UGT1A9: variants seen among roughly 807,000 people sequenced by gnomAD.
The protein encoded by UGT1A9 is UDP glucuronosyltransferase family 1 member A9, also known as UDP-glucuronosyltransferase 1A9.
UGT1A9 carries 35 observed loss-of-function variants against 45.0 expected under a neutral mutation model. The ratio of observed to expected loss-of-function variants is 0.78; its 90% confidence interval spans 0.59 to 1.03. The LOEUF (loss-of-function observed/expected upper bound fraction) is 1.03. Ranked by LOEUF, UGT1A9 falls within the 50% of genes least tolerant of loss-of-function variation. The probability of loss-of-function intolerance (pLI) is 0.00; values close to 1 mark genes in which losing one functional copy is unlikely to be tolerated. For missense variants in UGT1A9, 687 were observed against 666.6 expected (o/e 1.03, Z -0.34); for synonymous variants, 278 against 250.6 (o/e 1.11, Z -1.03).
At chr2:233,713,498 T>A in intron 1 of UGT1A9, 1 of 1,614,012 alleles carries the variant, frequency 6.2e-7, no homozygotes, top group Non-Finnish European at 8.5e-7. Context: ...CGATTCCTGC[T>A]GTGTTTTTCT....
intron 1 of UGT1A9, chr2:233,713,115 C>T (rs2076279485): frequency 6.2e-7 from 1 of 1,614,098 alleles, no homozygotes; most frequent in African/African-American, 1.3e-5. Context: ...CAGCCACTGG[C>T]TCAGCATGCG....
intron 1 of UGT1A9, among the ~76,000 whole-genome samples, chr2:233,757,279 A>C (rs1159492481): frequency 7.8e-6 from 1 of 127,878 alleles, no homozygotes; most frequent in Non-Finnish European, 1.6e-5. Flanking sequence ...GCAATGATTC[A>C]GAAGGGACAG....
chr2:233,750,414 G>GC (rs765395041), intron 1 of UGT1A9, among the ~76,000 whole-genome samples: 4 of 151,922 alleles, frequency 2.6e-5, no homozygotes, highest in Non-Finnish European at 5.9e-5. Flanking sequence ...CCATGTGGTA[G>GC]AAAAGAAAAA....
At chr2:233,729,603 A>G (rs7574296) in intron 1 of UGT1A9, 749,893 of 1,613,688 alleles carry the variant, frequency 0.46, 180,593 homozygotes, top group African/African-American at 0.76. Context: ...TCTGCGCGGC[A>G]GTGCTGGCTA....
At chr2:233,751,100 G>T (rs895970679) in intron 1 of UGT1A9, among the ~76,000 whole-genome samples, 1 of 151,922 alleles carries the variant, frequency 6.6e-6, no homozygotes, top group Non-Finnish European at 1.5e-5. Flanking sequence ...GGAGGGCTTT[G>T]CCCTGCAAGC....
chr2:233,683,408 C>T (rs1303607850), intron 1 of UGT1A9, among the ~76,000 whole-genome samples: 8 of 152,094 alleles, frequency 5.3e-5, no homozygotes, highest in Admixed American at 5.2e-4. Context: ...TAAGTGTTTT[C>T]CACTTTTGGG....
intron 1 of UGT1A9, among the ~76,000 whole-genome samples, chr2:233,735,916 G>T (rs182665210): frequency 5.9e-5 from 9 of 152,142 alleles, no homozygotes; most frequent in Admixed American, 5.9e-4. Context: ...TGGGTAACCC[G>T]ACCTTTCTCT....
chr2:233,734,549 C>A (rs1463144375), intron 1 of UGT1A9, among the ~76,000 whole-genome samples: 2 of 152,092 alleles, frequency 1.3e-5, no homozygotes, highest in Non-Finnish European at 2.9e-5. Flanking sequence ...TTCTTCCCTT[C>A]TGCTAGCTTT....
intron 1 of UGT1A9, among the ~76,000 whole-genome samples, chr2:233,715,670 G>A (rs1428393419): frequency 6.6e-6 from 1 of 152,106 alleles, no homozygotes; most frequent in Non-Finnish European, 1.5e-5. Flanking sequence ...TACTCGGGAG[G>A]CTGAGGCAGG....
chr2:233,729,955 G>A, intron 1 of UGT1A9: 1 of 1,614,014 alleles, frequency 6.2e-7, no homozygotes, highest in African/African-American at 1.3e-5. Flanking sequence ...GGTCTTCATT[G>A]GGGGCATCAA....
chr2:233,719,934 T>C (rs747645753), intron 1 of UGT1A9, among the ~76,000 whole-genome samples: 3 of 152,106 alleles, frequency 2.0e-5, no homozygotes, highest in African/African-American at 7.2e-5. Context: ...CGGACAGTGT[T>C]TGTAAAGGCA....
At chr2:233,695,498 T>G (rs2075292500) in intron 1 of UGT1A9, among the ~76,000 whole-genome samples, 1 of 152,042 alleles carries the variant, frequency 6.6e-6, no homozygotes, top group Non-Finnish European at 1.5e-5. Flanking sequence ...CTATCAAAGT[T>G]TTTGGAGTAT....
intron 1 of UGT1A9, chr2:233,742,995 C>A (rs1168922692): frequency 4.3e-6 from 1 of 233,716 alleles, no homozygotes; most frequent in African/African-American, 2.3e-5. Flanking sequence ...TAGCAAATTG[C>A]ATACAGATAT....
chr2:233,713,539 A>G, intron 1 of UGT1A9: 1 of 1,613,964 alleles, frequency 6.2e-7, no homozygotes, highest in Non-Finnish European at 8.5e-7. Flanking sequence ...TTAGACTTTA[A>G]GGGCACACAG....
At chr2:233,754,291 C>A in intron 1 of UGT1A9, 1 of 232,626 alleles carries the variant, frequency 4.3e-6, no homozygotes. Flanking sequence ...ACATTCTGTC[C>A]TAGCACTAGG....
chr2:233,704,856 G>A (rs375142414), intron 1 of UGT1A9, among the ~76,000 whole-genome samples: 6 of 151,976 alleles, frequency 3.9e-5, no homozygotes, highest in East Asian at 1.9e-4. Context: ...GAATAGGGCC[G>A]GGCACGGTGG....
At chr2:233,685,111 T>G (rs2074723100) in intron 1 of UGT1A9, among the ~76,000 whole-genome samples, 1 of 152,096 alleles carries the variant, frequency 6.6e-6, no homozygotes, top group African/African-American at 2.4e-5. Context: ...TCTTATTGAG[T>G]CTATCCAGGT....
chr2:233,682,602 A>G (rs1352958533), intron 1 of UGT1A9: 3 of 1,613,792 alleles, frequency 1.9e-6, no homozygotes, highest in African/African-American at 1.3e-5. Flanking sequence ...TTTTGCCCCT[A>G]TTTTTTCAAA....
Position 233,707,673 on chromosome 2 carries a change from C to T in UGT1A9, c.855+34884C>T, listed in dbSNP as rs184821134. Among the ~76,000 whole-genome samples the T allele has an allele frequency of 1.2e-3, 184 of 152,082 alleles. 1 individual carries two copies. The highest frequency in any genetic ancestry group is 4.2e-3 in the African/African-American group (173 of 41,484). On this transcript the variant is annotated intron_variant, in intron 1 of 4. Coordinates refer to ENST00000354728, the MANE Select transcript of UGT1A9 (RefSeq NM_021027.3). ...ACCACAATTTTATTTATCCATTCTA[C>T]TGTTGATGGGCTTTGGGTTGTATCT...
Sources: allele counts gnomAD v4.1 joint callset (sites outside exome capture counted in the v4.1 genomes callset), GRCh38; gene constraint gnomAD v4.1.1; transcripts MANE v1.5; gene names NCBI Gene and HGNC (gene_info 2026-07-23, HGNC 2026-07-21).